PRLR: variants seen among roughly 807,000 people sequenced by gnomAD.
The protein encoded by PRLR is prolactin receptor, also known as hPRL receptor.
In PRLR, 13 loss-of-function variants were observed where a neutral mutation model predicts 40.2. The observed-to-expected ratio is 0.32, with a 90% CI of 0.21 to 0.51. The LOEUF is 0.51. Ranked by LOEUF, PRLR falls within the 20% of genes least tolerant of loss-of-function variation. The pLI, the probability that PRLR is intolerant of heterozygous loss-of-function variation, is 0.97. For synonymous variants in PRLR, 269 were observed against 278.7 expected (o/e 0.97, Z 0.35); for missense variants, 656 against 747.3 (o/e 0.88, Z 1.42).
intron 1 of PRLR, among the ~76,000 whole-genome samples, chr5:35,152,564 C>T (rs1001433084): frequency 6.6e-6 from 1 of 152,294 alleles, no homozygotes; most frequent in East Asian, 1.9e-4. Flanking sequence ...TTCTACACCT[C>T]TAAAGACAAA....
rs187950642 is a variant in PRLR, at chr5:35,218,911, T to C, written c.-106+11357A>G. 6.6e-3 allele frequency among the ~76,000 whole-genome samples: 999 copies of C among 152,236 alleles called. 5 individuals are homozygous for C. The highest frequency in any genetic ancestry group is 0.011 in the Non-Finnish European group (755 of 68,008). ...CTTTGATAAGTGGCAGGTGGGTGGG[T>C]ACAACACAGAAACTATGAATAGTAG... On this transcript the variant is annotated intron_variant, in intron 1 of 9. Transcript: ENST00000618457.
intron 1 of PRLR, chr5:35,152,722 G>A (rs1230001297): frequency 1.3e-5 from 2 of 152,166 alleles, no homozygotes; most frequent in Non-Finnish European, 2.9e-5. Flanking sequence ...CATATTTTTA[G>A]TTTGCAGAGA....
intron 2 of PRLR, 125 bp downstream of exon 2, chr5:35,117,936 T>A (rs1208464426): frequency 2.9e-6 from 1 of 348,606 alleles, no homozygotes; most frequent in African/African-American, 2.2e-5. Context: ...TGTGCCAGTG[T>A]AGACATTGAC....
At chr5:35,131,294 G>A (rs1579710488) in intron 1 of PRLR, among the ~76,000 whole-genome samples, 1 of 152,282 alleles carries the variant, frequency 6.6e-6, no homozygotes, top group South Asian at 2.1e-4. Context: ...GCAGTGATGT[G>A]CTGAATCCCT....
chr5:35,220,329 A>G (rs2111671361), intron 1 of PRLR, among the ~76,000 whole-genome samples: 1 of 152,030 alleles, frequency 6.6e-6, no homozygotes, highest in East Asian at 1.9e-4. Flanking sequence ...AACAACTCAG[A>G]CCTTTTCCAG....
chr5:35,137,317 G>A (rs984008104), intron 1 of PRLR, among the ~76,000 whole-genome samples: 3 of 152,060 alleles, frequency 2.0e-5, no homozygotes, highest in Admixed American at 6.5e-5. Flanking sequence ...CACTTTTTAA[G>A]ACTTTTTTTT....
At chr5:35,198,345 C>G (rs1165685014) in intron 1 of PRLR, among the ~76,000 whole-genome samples, 1 of 152,220 alleles carries the variant, frequency 6.6e-6, no homozygotes, top group Non-Finnish European at 1.5e-5. Flanking sequence ...TTTATAATAA[C>G]ATGCCCTTGA....
At chr5:35,195,872 CAT>C (rs1210365655) in intron 1 of PRLR, among the ~76,000 whole-genome samples, 1 of 152,098 alleles carries the variant, frequency 6.6e-6, no homozygotes, top group Non-Finnish European at 1.5e-5. Context: ...AACTTGCTCA[CAT>C]GTGTCTATTG....
At chr5:35,219,669 G>A (rs533020616) in intron 1 of PRLR, among the ~76,000 whole-genome samples, 8 of 152,192 alleles carry the variant, frequency 5.3e-5, no homozygotes, top group Admixed American at 5.2e-4. Context: ...CTTACGAAAA[G>A]CACAGTAATC....
At chr5:35,088,654 G>A (rs73072972) in intron 3 of PRLR, among the ~76,000 whole-genome samples, 148 of 152,266 alleles carry the variant, frequency 9.7e-4, no homozygotes, top group African/African-American at 3.3e-3. Flanking sequence ...AGAGGAACAA[G>A]TTAACATTAA....
Position 35,066,007 on chromosome 5 carries a change from T to G in PRLR, c.951A>C (p.Val317=). The change falls in exon 10 of 10, where the codon GTA becomes GTC. Residue 317 remains valine (V), a synonymous_variant. Transcript: ENST00000618457. ...TTAGATGCTGGTCCTCACTATCATC[T>G]ACTTCTAAATACTCCACCAGCAAGT... ...YEDLLVEYLE[V]DDSEDQHLMS... 1 of 1,614,196 alleles carries G rather than the reference T, an allele frequency of 6.2e-7. No homozygotes were observed. Among genetic ancestry groups the G allele is most frequent in the Non-Finnish European group, 8.5e-7 (1 of 1,180,016 alleles).
At chr5:35,140,729 T>C (rs1773998632) in intron 1 of PRLR, among the ~76,000 whole-genome samples, 2 of 152,234 alleles carry the variant, frequency 1.3e-5, no homozygotes, top group Non-Finnish European at 2.9e-5. Context: ...CAGCTGGCTA[T>C]AACATGCTGG....
intron 1 of PRLR, among the ~76,000 whole-genome samples, chr5:35,133,885 T>C (rs1221498548): frequency 6.6e-6 from 1 of 152,170 alleles, no homozygotes; most frequent in Admixed American, 6.5e-5. Flanking sequence ...CCTACTGACC[T>C]ACTATAGCCT....
At position 35,228,769 on chromosome 5, in the gene PRLR, G is replaced by T. The variant is rs80252306; in HGVS notation, c.-106+1499C>A. 6.6e-5 allele frequency among the ~76,000 whole-genome samples: 10 copies of T among 152,298 alleles called. No homozygotes were observed. In the East Asian group the frequency reaches 1.7e-3, roughly 26 times the overall value. On this transcript the variant is annotated intron_variant, in intron 1 of 9. Coordinates refer to ENST00000618457, the MANE Select transcript of PRLR (RefSeq NM_000949.7). ...CATGACAGGGGAGCTGTCTCCTTCA[G>T]CAGCGTGGCTGACTCCAGACCCCCA...
At chr5:35,107,352 C>A (rs1772329575) in intron 2 of PRLR, among the ~76,000 whole-genome samples, 1 of 152,022 alleles carries the variant, frequency 6.6e-6, no homozygotes. Context: ...CAAAAGCTAG[C>A]AGAAGGCAAG....
At chr5:35,200,039 T>A (rs1163557613) in intron 1 of PRLR, among the ~76,000 whole-genome samples, 3 of 152,210 alleles carry the variant, frequency 2.0e-5, no homozygotes, top group Non-Finnish European at 2.9e-5. Context: ...GTGGCTCTGA[T>A]GATTGCCAAG....
In PRLR at chr5:35,098,972, G is replaced by A. The variant is rs1409073919; in HGVS notation, c.-43-9309C>T. 4.6e-5 allele frequency among the ~76,000 whole-genome samples: 7 copies of A among 152,160 alleles called. No homozygotes were observed. The East Asian group carries it at 9.6e-4, about 21-fold the overall frequency. On this transcript the variant is annotated intron_variant, in intron 2 of 9. Transcript: ENST00000618457. ...GGAGCTTGAGGATGGGCACAACTGA[G>A]AACACTGACAAGTCTAAGAAAAAAC...
intron 3 of PRLR, 125 bp from the exon 4 acceptor site, chr5:35,086,465 A>C: frequency 8.3e-7 from 1 of 1,197,800 alleles, no homozygotes; most frequent in South Asian, 1.4e-5. Context: ...GAGGAGACCT[A>C]GGGTGGATGC....
chr5:35,151,928 G>A (rs984812974), intron 1 of PRLR, among the ~76,000 whole-genome samples: 4 of 152,104 alleles, frequency 2.6e-5, no homozygotes, highest in Admixed American at 2.6e-4. Flanking sequence ...ATTTTGGGGT[G>A]GTTTGTTATA....
Sources: gnomAD v4.1 joint callset for allele counts (sites outside exome capture counted in the v4.1 genomes callset) on GRCh38, gnomAD v4.1.1 for gene constraint, MANE v1.5 for transcripts, NCBI Gene and HGNC (gene_info 2026-07-23, HGNC 2026-07-21) for gene names.